Variants in LHFPL1 observed in about 807,000 individuals in gnomAD.
LHFPL1 encodes the protein LHFPL tetraspan subfamily member 1.
A neutral mutation model predicts 12.1 loss-of-function variants in LHFPL1; 4 were observed. The observed-to-expected ratio is 0.33, with a 90% CI of 0.16 to 0.76. The LOEUF is 0.76. LHFPL1 is among the 30% of genes least tolerant of loss of function. The probability of loss-of-function intolerance (pLI) is 0.61; values close to 1 mark genes in which losing one functional copy is unlikely to be tolerated. For missense variants in LHFPL1, 141 were observed against 174.1 expected (o/e 0.81, Z 1.07); for synonymous variants, 52 against 61.9 (o/e 0.84, Z 0.75).
intron 3 of LHFPL1, among the ~76,000 whole-genome samples, chrX:112,651,707 G>A (rs761374200): frequency 1.8e-5 from 2 of 111,569 alleles, no homozygotes; most frequent in East Asian, 5.7e-4. Context: ...TGTCACCTTT[G>A]CAACCCTCAT....
intron 1 of LHFPL1, among the ~76,000 whole-genome samples, chrX:112,676,488 G>A (rs1931657156): frequency 8.9e-6 from 1 of 111,914 alleles, no homozygotes; most frequent in Non-Finnish European, 1.9e-5. Context: ...TGGGCCGCAA[G>A]CCTGTTTCCG....
intron 3 of LHFPL1, among the ~76,000 whole-genome samples, chrX:112,657,015 T>G (rs1569364728): frequency 8.9e-6 from 1 of 112,233 alleles, no homozygotes; most frequent in African/African-American, 3.2e-5. Context: ...AATTCAAAAT[T>G]AGAAGTACAG....
chrX:112,639,330 A>G (rs1236956996), intron 3 of LHFPL1, among the ~76,000 whole-genome samples: 1 of 111,619 alleles, frequency 9.0e-6, no homozygotes, highest in East Asian at 2.8e-4. Flanking sequence ...AAGAAGAATA[A>G]AAAACAACCC....
At chrX:112,652,021 G>C (rs765909131) in intron 3 of LHFPL1, among the ~76,000 whole-genome samples, 10 of 112,620 alleles carry the variant, frequency 8.9e-5, no homozygotes, top group Admixed American at 2.8e-4. Flanking sequence ...ATGTGCTTTC[G>C]CACATTAGAG....
At chrX:112,678,928 A>G (rs1931728283) in intron 1 of LHFPL1, among the ~76,000 whole-genome samples, 1 of 112,002 alleles carries the variant, frequency 8.9e-6, no homozygotes, top group Non-Finnish European at 1.9e-5. Context: ...AGATCACTTA[A>G]AACCTCTGAG....
chrX:112,666,304 C>T (rs1413055234), intron 2 of LHFPL1, among the ~76,000 whole-genome samples: 1 of 110,926 alleles, frequency 9.0e-6, no homozygotes, highest in Admixed American at 9.6e-5. Flanking sequence ...CACTTACCAC[C>T]CCCCCAGCCC....
At position 112,671,361 on chromosome X, in the gene LHFPL1, G is replaced by T; in HGVS notation, c.30C>A (p.Thr10=). The T allele has an allele frequency of 5.0e-6, 6 of 1,211,790 alleles. No individual in the cohort carries two copies. The highest frequency in any genetic ancestry group is 6.7e-6 in the Non-Finnish European group (6 of 895,487). Residue 10 remains threonine, a synonymous_variant, in exon 2 of 4, where the codon ACC becomes ACA. Transcript: ENST00000371968. The part of the protein sequence containing the change: MRSSLTMVG[T]LWAFLSLVTA... ...TAACAAGGGACAGGAAGGCCCAGAG[G>T]GTTCCCACCATGGTCAGGCTGCTCC... is the stretch of plus-strand genomic sequence containing the variant.
At chrX:112,655,191 A>G (rs774982381) in intron 3 of LHFPL1, among the ~76,000 whole-genome samples, 100 of 112,225 alleles carry the variant, frequency 8.9e-4, no homozygotes, top group African/African-American at 3.1e-3. Flanking sequence ...TTTATCTTCT[A>G]TAATGAAGCT....
intron 3 of LHFPL1, among the ~76,000 whole-genome samples, chrX:112,656,896 C>T (rs1160638992): frequency 8.9e-6 from 1 of 112,471 alleles, no homozygotes; most frequent in East Asian, 2.8e-4. Flanking sequence ...ACACAGTATG[C>T]TGTAGAGTAT....
intron 3 of LHFPL1, among the ~76,000 whole-genome samples, chrX:112,654,948 C>T (rs183657977): frequency 8.1e-4 from 90 of 111,650 alleles, no homozygotes; most frequent in African/African-American, 2.7e-3. Flanking sequence ...TTCAGTTAAC[C>T]GGTATGGAGG....
Position 112,671,322 on chromosome X carries a change from A to T in LHFPL1, c.69T>A (p.Ser23Arg), listed in dbSNP as rs1271555085. Residue 23 changes from serine to arginine, a missense_variant, in exon 2 of 4, where the codon AGT becomes AGA. Transcript: ENST00000371968. Reference protein sequence around the residue: ...AFLSLVTAVTSSTSYFLPYWL... With the variant: ...AFLSLVTAVTRSTSYFLPYWL... ...AGTAAGGTAGGAAGTAACTGGTAGA[A>T]CTGGTCACAGCAGTAACAAGGGACA... is the stretch of plus-strand genomic sequence containing the variant. The T allele has an allele frequency of 4.1e-6, 5 of 1,210,344 alleles. No homozygotes were observed. The Admixed American group carries it at 1.1e-4, about 26-fold the overall frequency.
rs1242287961 is a variant in LHFPL1, at chrX:112,671,229, C to T, written c.162G>A (p.Val54=). 1 of 1,210,532 alleles carries T rather than the reference C, an allele frequency of 8.3e-7. No individual in the cohort carries two copies. The highest frequency in any genetic ancestry group is 1.1e-6 in the Non-Finnish European group (1 of 895,327). The change falls in exon 2 of 4, where the codon GTG becomes GTA. Residue 54 remains valine, a synonymous_variant. Transcript: ENST00000371968. The part of the protein sequence containing the change: ...FSTFRRCNYP[V]RGEGHSLIMV... ...TGATCAGACTGTGTCCCTCTCCCCG[C>T]ACAGGGTAGTTGCACCTCCGGAATG...
chrX:112,640,178 T>C (rs906916784), intron 3 of LHFPL1, among the ~76,000 whole-genome samples: 1 of 110,574 alleles, frequency 9.0e-6, no homozygotes, highest in Non-Finnish European at 1.9e-5. Context: ...ACAAACTAGA[T>C]GAGTGAAAGG....
intron 1 of LHFPL1, among the ~76,000 whole-genome samples, chrX:112,673,353 A>G (rs1931565074): frequency 9.0e-6 from 1 of 111,444 alleles, no homozygotes; most frequent in Non-Finnish European, 1.9e-5. Flanking sequence ...GAAAGATGTG[A>G]TGAGGGATTG....
At chrX:112,649,857 T>C (rs1197893445) in intron 3 of LHFPL1, among the ~76,000 whole-genome samples, 1 of 111,624 alleles carries the variant, frequency 9.0e-6, no homozygotes, top group African/African-American at 3.3e-5. Context: ...ATAATATGTA[T>C]ATTCATGAAT....
Position 112,671,511 on chromosome X carries a change from T to C in LHFPL1, c.-14-107A>G, listed in dbSNP as rs145139879. The C allele has an allele frequency of 6.8e-4, 798 of 1,174,350 alleles. 4 individuals carry two copies. In the African/African-American group the frequency reaches 0.012, roughly 18 times the overall value. On this transcript the variant is annotated intron_variant, in intron 1 of 3. Coordinates refer to ENST00000371968, the MANE Select transcript of LHFPL1 (RefSeq NM_178175.4). Reference sequence around the variant, plus strand: ...CTGGTTGGCCAGTCCTGGGGCTCAATTATGTGCCACTTGGTCATTGCTTCT... The same window carrying C: ...CTGGTTGGCCAGTCCTGGGGCTCAACTATGTGCCACTTGGTCATTGCTTCT...
In LHFPL1 at chrX:112,631,371, C is replaced by G. The variant is rs763807478; in HGVS notation, c.*49G>C. The G allele has an allele frequency of 8.9e-7, 1 of 1,123,447 alleles. No individual in the cohort carries two copies. Among genetic ancestry groups the G allele is most frequent in the Admixed American group, 2.3e-5 (1 of 43,871 alleles). The allele number at this position is 1,123,447 out of a possible 1,213,427, so 92.6% of individuals were successfully genotyped here. A position where few individuals can be genotyped will look rare whatever the true frequency, so the allele number is the denominator to read the frequency against. ...TGGCCTAATCCTTAGTACCTCTTTT[C>G]AGGGCTCCCTCCTCCCCTTTCCCAC... On this transcript the variant is annotated 3_prime_UTR_variant, in exon 4 of 4. Coordinates refer to ENST00000371968, the MANE Select transcript of LHFPL1 (RefSeq NM_178175.4).
intron 1 of LHFPL1, among the ~76,000 whole-genome samples, chrX:112,673,346 A>G (rs745732261): frequency 5.4e-5 from 6 of 111,528 alleles, no homozygotes; most frequent in African/African-American, 1.6e-4. Flanking sequence ...AATGAGAGAA[A>G]GATGTGATGA....
At chrX:112,669,217 C>T (rs1447386005) in intron 2 of LHFPL1, among the ~76,000 whole-genome samples, 1 of 112,470 alleles carries the variant, frequency 8.9e-6, no homozygotes, top group Non-Finnish European at 1.9e-5. Context: ...AAGGATGACC[C>T]CTCTGCCCTA....
Sources: allele counts gnomAD v4.1 joint callset (sites outside exome capture counted in the v4.1 genomes callset), GRCh38; gene constraint gnomAD v4.1.1; transcripts MANE v1.5; gene names NCBI Gene and HGNC (gene_info 2026-07-23, HGNC 2026-07-21).